MATN2: variants seen among roughly 807,000 people sequenced by gnomAD.
MATN2 encodes the protein matrilin 2.
MATN2 carries 69 observed loss-of-function variants against 103.2 expected under a neutral mutation model. The ratio of observed to expected loss-of-function variants is 0.67; its 90% CI spans 0.55 to 0.82. MATN2 has a LOEUF of 0.82. Ranked by LOEUF, MATN2 falls within the 40% of genes least tolerant of loss-of-function variation. MATN2 has a pLI of 0.00. For synonymous variants in MATN2, 429 were observed against 450.2 expected, an observed-to-expected ratio of 0.95 and a Z score of 0.60; for missense variants, 1,023 against 1,211.5, an observed-to-expected ratio of 0.84 and a Z score of 2.31.
chr8:98,012,211 G>T (rs1262887974), intron 10 of MATN2, among the ~76,000 whole-genome samples: 2 of 152,018 alleles, frequency 1.3e-5, no homozygotes. Flanking sequence ...TACCTGCATT[G>T]TGCGGGGTGC....
chr8:97,945,717 AAT>A (rs1554605716), intron 4 of MATN2, among the ~76,000 whole-genome samples: 138 of 121,812 alleles, frequency 1.1e-3, no homozygotes, highest in African/African-American at 4.0e-3. Flanking sequence ...AAAAAAAAAA[AAT>A]ATATATATAT....
rs539277182 is a variant in MATN2 at position 97,969,996 on chromosome 8, G to A, written c.958+8466G>A. On this transcript the variant is annotated intron_variant, in intron 5 of 18. Coordinates refer to ENST00000254898, the MANE Select transcript of MATN2 (RefSeq NM_002380.5). The stretch of plus-strand genomic sequence containing the variant: ...CCAAAGTGGAGCTTAGCCTACCTGG[G>A]TTCTTGGCTTTGCCCAGGGAAGAAT... Among the ~76,000 whole-genome samples, 17 of 152,336 alleles carry A rather than the reference G, an allele frequency of 1.1e-4. 1 individual carries two copies. The South Asian group carries it at 3.3e-3, about 30-fold the overall frequency.
At chr8:97,954,643 G>A (rs189373201) in intron 4 of MATN2, among the ~76,000 whole-genome samples, 1 of 152,320 alleles carries the variant, frequency 6.6e-6, no homozygotes, top group Non-Finnish European at 1.5e-5. Context: ...CTCTATAAGG[G>A]TAGGAATTTT....
chr8:97,895,484 C>T (rs965348375), intron 2 of MATN2, among the ~76,000 whole-genome samples: 1 of 152,224 alleles, frequency 6.6e-6, no homozygotes, highest in African/African-American at 2.4e-5. Context: ...CAAATGCCAC[C>T]TCCTCCCTCT....
At chr8:97,979,138 C>A (rs1811941630) in intron 6 of MATN2, 130 bp downstream of exon 6, 2 of 1,045,064 alleles carry the variant, frequency 1.9e-6, no homozygotes, top group Non-Finnish European at 1.4e-6. Context: ...CCTTTTGCCC[C>A]ATTCCTCCTC....
intron 1 of MATN2, among the ~76,000 whole-genome samples, chr8:97,876,630 C>A (rs1408001145): frequency 6.6e-6 from 1 of 152,162 alleles, no homozygotes; most frequent in Admixed American, 6.5e-5. Flanking sequence ...GGCCTACAAA[C>A]TTCTTATTGA....
intron 1 of MATN2, among the ~76,000 whole-genome samples, chr8:97,872,800 G>A (rs752365263): frequency 6.9e-6 from 1 of 144,840 alleles, no homozygotes; most frequent in Non-Finnish European, 1.5e-5. Context: ...AAGTCCCCCC[G>A]TTTTTTTTTT....
intron 18 of MATN2, among the ~76,000 whole-genome samples, chr8:98,033,956 C>T (rs1183082911): frequency 6.6e-6 from 1 of 152,114 alleles, no homozygotes; most frequent in Non-Finnish European, 1.5e-5. Flanking sequence ...ACTGGCCTAA[C>T]TCCGTCTCTG....
At chr8:97,893,065 G>T (rs187628130) in intron 2 of MATN2, among the ~76,000 whole-genome samples, 1 of 152,150 alleles carries the variant, frequency 6.6e-6, no homozygotes, top group Non-Finnish European at 1.5e-5. Flanking sequence ...ATTTTGCAGG[G>T]GTAGGAGCTG....
intron 1 of MATN2, among the ~76,000 whole-genome samples, chr8:97,878,999 GTTAA>G (rs1818166611): frequency 6.6e-6 from 1 of 152,122 alleles, no homozygotes; most frequent in Non-Finnish European, 1.5e-5. Context: ...CTAATATTTT[GTTAA>G]TTAATGAAAG....
intron 4 of MATN2, among the ~76,000 whole-genome samples, chr8:97,959,010 T>A (rs1038270873): frequency 2.6e-5 from 4 of 152,224 alleles, no homozygotes; most frequent in Non-Finnish European, 5.9e-5. Context: ...TCTTTCTCCA[T>A]ACCTGCCAGC....
At chr8:98,035,288 C>T (rs1305054457) in intron 18 of MATN2, among the ~76,000 whole-genome samples, 1 of 151,734 alleles carries the variant, frequency 6.6e-6, no homozygotes, top group Non-Finnish European at 1.5e-5. Context: ...ACCCAGGAGG[C>T]GGAGGTTGCA....
At chr8:98,022,517 A>G (rs1015800326) in intron 13 of MATN2, among the ~76,000 whole-genome samples, 1 of 152,098 alleles carries the variant, frequency 6.6e-6, no homozygotes, top group Admixed American at 6.5e-5. Flanking sequence ...TGTTAAGCAG[A>G]AAAAAATTAG....
At chr8:97,885,301 G>A (rs1426451266) in intron 1 of MATN2, among the ~76,000 whole-genome samples, 2 of 152,198 alleles carry the variant, frequency 1.3e-5, no homozygotes, top group Non-Finnish European at 2.9e-5. Context: ...TATAAATGAT[G>A]TAACACACTG....
In MATN2 at chr8:98,026,748, G is replaced by T. The variant is rs907632407; in HGVS notation, c.1943-668G>T. Among the ~76,000 whole-genome samples, 4 of 152,112 alleles carry T rather than the reference G, an allele frequency of 2.6e-5. No homozygotes were observed. The South Asian group carries it at 8.3e-4, about 32-fold the overall frequency. On this transcript the variant is annotated intron_variant, in intron 13 of 18. Transcript: ENST00000254898. ...AGGAGGAACTCACAGACTGGAGGAG[G>T]AAACACATCATTAAATAATTATTGT...
chr8:97,886,176 A>C (rs1818420668), intron 1 of MATN2, among the ~76,000 whole-genome samples: 1 of 152,192 alleles, frequency 6.6e-6, no homozygotes, highest in Non-Finnish European at 1.5e-5. Flanking sequence ...CGTCACTCCC[A>C]GATGAGAACA....
In MATN2 at chr8:98,030,444, A is replaced by G; in HGVS notation, c.2357-18A>G. ...CACAACTCTAACTAACTTGCTCTTA[A>G]TTTTTCCTGCACCCTAGGTATCACT... On this transcript the variant is annotated intron_variant, in intron 14 of 18. Transcript: ENST00000254898. The G allele has an allele frequency of 6.2e-7, 1 of 1,606,460 alleles. No individual in the cohort carries two copies. The highest frequency in any genetic ancestry group is 8.5e-7 in the Non-Finnish European group (1 of 1,176,562).
Position 98,007,212 on chromosome 8 carries a change from C to T in MATN2, c.1435C>T (p.Leu479Phe), listed in dbSNP as rs763321296. Reference sequence around the variant, plus strand: ...AGAAGGCTTCCTCATCAACGAGGACCTCAAGACCTGCTCCCGTGAGTCCCT... The same window carrying T: ...AGAAGGCTTCCTCATCAACGAGGACTTCAAGACCTGCTCCCGTGAGTCCCT... ...CSEGFLINED[L>F]KTCSRVDYCL... Residue 479 changes from leucine to phenylalanine, a missense_variant, in exon 9 of 19, where the codon CTC (leucine) becomes TTC (phenylalanine). Coordinates refer to ENST00000254898, the MANE Select transcript of MATN2 (RefSeq NM_002380.5). The surrounding 1 kb of genome is among the most constrained non-coding windows in gnomAD (Gnocchi z 4.2). The T allele has an allele frequency of 3.1e-6, 5 of 1,613,956 alleles. No homozygotes were observed. Among genetic ancestry groups the T allele is most frequent in the South Asian group, 1.1e-5 (1 of 91,070 alleles).
At chr8:97,965,397 A>T (rs2130270410) in intron 5 of MATN2, among the ~76,000 whole-genome samples, 1 of 152,320 alleles carries the variant, frequency 6.6e-6, no homozygotes, top group East Asian at 1.9e-4. Flanking sequence ...AAGAAGTGGG[A>T]AGACCAGATA....
Sources: allele counts gnomAD v4.1 joint callset (sites outside exome capture counted in the v4.1 genomes callset), GRCh38; gene constraint gnomAD v4.1.1; non-coding constraint Gnocchi (gnomAD v3.1); transcripts MANE v1.5; gene names NCBI Gene and HGNC (gene_info 2026-07-23, HGNC 2026-07-21).